Variants in YWHAQ observed in about 807,000 individuals in gnomAD.
YWHAQ encodes 14-3-3 protein theta.
A neutral mutation model predicts 28.3 loss-of-function variants in YWHAQ; 6 were observed. That is an observed-to-expected ratio of 0.21 (90% CI 0.12 to 0.42). YWHAQ has a LOEUF of 0.42. Ranked by LOEUF, YWHAQ falls within the 10% of genes least tolerant of loss-of-function variation. YWHAQ has a pLI of 1.00. For missense variants in YWHAQ, 201 were observed against 305.6 expected, an observed-to-expected ratio of 0.66 and a Z score of 2.55; for synonymous variants, 143 against 119.1, an observed-to-expected ratio of 1.20 and a Z score of -1.31.
At chr2:9,588,407 G>A in intron 3 of YWHAQ, 79 bp from the exon 4 acceptor site, 1 of 1,493,388 alleles carries the variant, frequency 6.7e-7, no homozygotes, top group Non-Finnish European at 9.0e-7. Context: ...TTGAACATAT[G>A]CTACTAGCTC....
intron 2 of YWHAQ, among the ~76,000 whole-genome samples, chr2:9,600,506 G>C (rs891788399): frequency 2.0e-5 from 3 of 152,086 alleles, no homozygotes; most frequent in African/African-American, 4.8e-5. Context: ...AGGAGTTCAA[G>C]ACCAGCCTGA....
chr2:9,630,467 C>A lies in YWHAQ; in HGVS notation c.-15G>T, dbSNP rs979488247. On this transcript the variant is annotated 5_prime_UTR_variant, in exon 2 of 6. Coordinates refer to ENST00000238081, the MANE Select transcript of YWHAQ (RefSeq NM_006826.4). This position sits in a 1 kb window ranked among gnomAD's most constrained non-coding sequence, Gnocchi z 5.6. ...GTCTTCTCCATGGCGGGCGCGGGGC[C>A]GGGGCCGGGGCGGAGGGCGAGGAGA... 25 of 1,577,600 alleles carry A rather than the reference C, an allele frequency of 1.6e-5. No individual in the cohort carries two copies. Among genetic ancestry groups the A allele is most frequent in the Non-Finnish European group, 2.1e-5 (25 of 1,165,078 alleles).
intron 2 of YWHAQ, among the ~76,000 whole-genome samples, chr2:9,622,472 T>C (rs779243181): frequency 6.6e-6 from 1 of 152,222 alleles, no homozygotes; most frequent in Non-Finnish European, 1.5e-5. Context: ...ATTTTCCTAC[T>C]AGTGGATTAT....
At chr2:9,590,349 T>C (rs1178280289) in intron 3 of YWHAQ, among the ~76,000 whole-genome samples, 1 of 152,218 alleles carries the variant, frequency 6.6e-6, no homozygotes, top group Non-Finnish European at 1.5e-5. Context: ...GATTTTGTTA[T>C]AGCAAGGTAT....
intron 5 of YWHAQ, 117 bp downstream of exon 5, chr2:9,587,297 A>G: frequency 1.1e-6 from 1 of 870,168 alleles, no homozygotes; most frequent in Non-Finnish European, 1.8e-6. Flanking sequence ...AAATACTAAC[A>G]CGTATCTCAT....
At chr2:9,629,548 A>C (rs1667314103) in intron 2 of YWHAQ, among the ~76,000 whole-genome samples, 1 of 151,884 alleles carries the variant, frequency 6.6e-6, no homozygotes, top group Non-Finnish European at 1.5e-5. Flanking sequence ...CAGCAAGGAA[A>C]TGTTATTAAA....
intron 2 of YWHAQ, among the ~76,000 whole-genome samples, chr2:9,618,723 G>A (rs1667085507): frequency 6.7e-6 from 1 of 149,196 alleles, no homozygotes; most frequent in Non-Finnish European, 1.5e-5. Flanking sequence ...TTTGTTGCCA[G>A]GGCTGGTCTC....
intron 2 of YWHAQ, among the ~76,000 whole-genome samples, chr2:9,594,180 T>TG (rs1666522043): frequency 6.6e-6 from 1 of 152,108 alleles, no homozygotes; most frequent in African/African-American, 2.4e-5. Flanking sequence ...GCTGCTCCAG[T>TG]ATCACTACAC....
intron 2 of YWHAQ, among the ~76,000 whole-genome samples, chr2:9,626,014 T>C (rs533289552): frequency 6.6e-6 from 1 of 151,564 alleles, no homozygotes; most frequent in African/African-American, 2.4e-5. Context: ...TTTATTGAGA[T>C]TAAATTTAAA....
chr2:9,606,284 G>A (rs931919291), intron 2 of YWHAQ, among the ~76,000 whole-genome samples: 6 of 152,034 alleles, frequency 3.9e-5, no homozygotes, highest in South Asian at 2.1e-4. Flanking sequence ...CACCTTTTCC[G>A]GCCAGGCTTG....
At chr2:9,599,257 G>A (rs934564901) in intron 2 of YWHAQ, among the ~76,000 whole-genome samples, 3 of 152,198 alleles carry the variant, frequency 2.0e-5, no homozygotes, top group African/African-American at 4.8e-5. Context: ...ACCGAAAGAA[G>A]TCACCTCCAG....
At chr2:9,589,446 T>C (rs1485707027) in intron 3 of YWHAQ, among the ~76,000 whole-genome samples, 2 of 151,592 alleles carry the variant, frequency 1.3e-5, no homozygotes, top group Non-Finnish European at 2.9e-5. Context: ...TAGATGGGAG[T>C]GGTGATGCAT....
At chr2:9,593,236 CTTTTTTTTTTTT>C (rs34085406) in intron 2 of YWHAQ, among the ~76,000 whole-genome samples, 1 of 114,962 alleles carries the variant, frequency 8.7e-6, no homozygotes, top group Non-Finnish European at 1.7e-5. Context: ...GCATCCATGT[CTTTTTTTTTTTT>C]TTTTTTTTTG....
intron 2 of YWHAQ, among the ~76,000 whole-genome samples, chr2:9,604,411 T>C (rs1666776644): frequency 6.6e-6 from 1 of 152,228 alleles, no homozygotes; most frequent in Admixed American, 6.5e-5. Flanking sequence ...CTATGAATTA[T>C]ATTTGACTGA....
Position 9,626,963 on chromosome 2 carries a change from C to T in YWHAQ, c.294+3196G>A, listed in dbSNP as rs543057888. Among the ~76,000 whole-genome samples, 14 of 152,344 alleles carry T rather than the reference C, an allele frequency of 9.2e-5. 2 individuals are homozygous for T. The highest frequency in any genetic ancestry group is 3.4e-4 in the African/African-American group (14 of 41,574). ...ACTCTACAGCCCCAAACCATGAGAA[C>T]TCGAAGAGACTTAGAAAGTTAAGCC... On this transcript the variant is annotated intron_variant, in intron 2 of 5. Coordinates refer to ENST00000238081, the MANE Select transcript of YWHAQ (RefSeq NM_006826.4).
At position 9,630,616 on chromosome 2, in the gene YWHAQ, T is replaced by G; in HGVS notation, c.-82-82A>C. On this transcript the variant is annotated intron_variant, in intron 1 of 5. Coordinates refer to ENST00000238081, the MANE Select transcript of YWHAQ (RefSeq NM_006826.4). This position sits in a 1 kb window ranked among gnomAD's most constrained non-coding sequence, Gnocchi z 5.6. ...GACAATGCGGCCCGCCGCCCGCTTT[T>G]GTCTCCCGCACACGCGGCCGCTTGA... 1 of 640,894 alleles carries G rather than the reference T, an allele frequency of 1.6e-6. No individual in the cohort carries two copies. Among genetic ancestry groups the G allele is most frequent in the Non-Finnish European group, 2.5e-6 (1 of 399,530 alleles). The allele number at this position is 640,894 out of a possible 1,614,324, so 39.7% of individuals were successfully genotyped here. A position where few individuals can be genotyped will look rare whatever the true frequency, so the allele number is the denominator to read the frequency against.
chr2:9,598,613 T>C (rs894425539), intron 2 of YWHAQ, among the ~76,000 whole-genome samples: 2 of 152,250 alleles, frequency 1.3e-5, no homozygotes, highest in Admixed American at 6.5e-5. Context: ...TTATTTTATC[T>C]GCTATGGCAA....
intron 3 of YWHAQ, among the ~76,000 whole-genome samples, chr2:9,589,949 C>T (rs1666426053): frequency 6.6e-6 from 1 of 152,176 alleles, no homozygotes; most frequent in South Asian, 2.1e-4. Flanking sequence ...CCTTTATGAC[C>T]TGAATTATGT....
chr2:9,601,290 C>T (rs1046719658), intron 2 of YWHAQ, among the ~76,000 whole-genome samples: 8 of 151,986 alleles, frequency 5.3e-5, no homozygotes, highest in African/African-American at 7.3e-5. Context: ...GGTGAAACCC[C>T]GTCTCTACTA....
Sources: gnomAD v4.1 joint callset for allele counts (sites outside exome capture counted in the v4.1 genomes callset) on GRCh38, gnomAD v4.1.1 for gene constraint, Gnocchi (gnomAD v3.1) non-coding constraint, MANE v1.5 for transcripts, NCBI Gene and HGNC (gene_info 2026-07-23, HGNC 2026-07-21) for gene names.